KIAA2012: variants seen among roughly 807,000 people sequenced by gnomAD.
KIAA2012 encodes uncharacterized protein KIAA2012.
In KIAA2012, 125 loss-of-function variants were observed where a neutral mutation model predicts 150.6. The observed-to-expected ratio is 0.83, with a 90% CI of 0.72 to 0.96. The LOEUF (loss-of-function observed/expected upper bound fraction) is 0.96. Ranked by LOEUF, KIAA2012 falls within the 40% of genes least tolerant of loss-of-function variation. The pLI is 0.00. For missense variants in KIAA2012, 1,219 were observed against 1,354.9 expected, an observed-to-expected ratio of 0.90 and a Z score of 1.57; for synonymous variants, 462 against 504.7, an observed-to-expected ratio of 0.92 and a Z score of 1.13.
Position 202,090,945 on chromosome 2 carries a change from G to T in KIAA2012, c.529+16G>T. On this transcript the variant is annotated intron_variant, in intron 3 of 23. Coordinates refer to ENST00000498697, the MANE Select transcript of KIAA2012 (RefSeq NM_001277372.4). Reference sequence around the variant, plus strand: ...TGGTGCGCAGGTCAGTGGGGAAATGGGAGGGGGGCACACCCCAAACTGCCC... The same window carrying T: ...TGGTGCGCAGGTCAGTGGGGAAATGTGAGGGGGGCACACCCCAAACTGCCC... 1.3e-6 allele frequency: 2 copies of T among 1,531,712 alleles called. No individual in the cohort carries two copies. Among genetic ancestry groups the T allele is most frequent in the East Asian group, 5.0e-5 (2 of 40,338 alleles). 94.9% of individuals were successfully genotyped at this position (1,531,712 alleles called of 1,614,324 possible). A position where few individuals can be genotyped will look rare whatever the true frequency, so the allele number is the denominator to read the frequency against.
At chr2:202,099,846 A>T in intron 6 of KIAA2012, 50 bp downstream of exon 6, 11 of 1,465,560 alleles carry the variant, frequency 7.5e-6, no homozygotes, top group Non-Finnish European at 1.0e-5. Context: ...CCAGTCATGC[A>T]GAGTTCATTT....
intron 13 of KIAA2012, 59 bp from the exon 14 acceptor site, chr2:202,154,614 C>G: frequency 7.0e-7 from 1 of 1,429,866 alleles, no homozygotes; most frequent in East Asian, 2.5e-5. Context: ...TTTGGACTAG[C>G]TCTTGTTGCA....
intron 15 of KIAA2012, among the ~76,000 whole-genome samples, chr2:202,176,584 C>T (rs1197966644): frequency 6.6e-6 from 1 of 152,186 alleles, no homozygotes; most frequent in African/African-American, 2.4e-5. Context: ...GAGATACCTG[C>T]AATGCATGTA....
intron 11 of KIAA2012, among the ~76,000 whole-genome samples, chr2:202,121,794 T>G (rs1003251102): frequency 3.3e-5 from 5 of 152,174 alleles, no homozygotes; most frequent in African/African-American, 1.2e-4. Flanking sequence ...GAGAACAGAT[T>G]CACAAGCCAG....
chr2:202,138,294 G>T, intron 12 of KIAA2012, 138 bp from the exon 13 acceptor site: 1 of 652,320 alleles, frequency 1.5e-6, no homozygotes, highest in South Asian at 1.9e-5. Context: ...AGTAAATTAT[G>T]AATGCCATGG....
chr2:202,140,398 T>C (rs1344795270), intron 13 of KIAA2012, among the ~76,000 whole-genome samples: 1 of 152,158 alleles, frequency 6.6e-6, no homozygotes, highest in East Asian at 1.9e-4. Flanking sequence ...ACCTGCCTCC[T>C]TTGTGAAATG....
At chr2:202,167,518 T>C (rs1442246260) in intron 15 of KIAA2012, among the ~76,000 whole-genome samples, 1 of 152,196 alleles carries the variant, frequency 6.6e-6, no homozygotes, top group East Asian at 1.9e-4. Flanking sequence ...CAATTTAACC[T>C]GTTCTTTTAA....
At chr2:202,095,521 A>C (rs949049428) in intron 4 of KIAA2012, among the ~76,000 whole-genome samples, 2 of 152,230 alleles carry the variant, frequency 1.3e-5, no homozygotes, top group African/African-American at 4.8e-5. Context: ...TATCTGGATT[A>C]TCTGAATCCA....
intron 13 of KIAA2012, among the ~76,000 whole-genome samples, chr2:202,141,100 G>A (rs898241393): frequency 6.6e-6 from 1 of 152,216 alleles, no homozygotes; most frequent in Non-Finnish European, 1.5e-5. Flanking sequence ...AGGCTGGGGT[G>A]ACGGCGTTCC....
intron 13 of KIAA2012, among the ~76,000 whole-genome samples, chr2:202,143,566 T>C (rs1384248117): frequency 7.0e-6 from 1 of 141,870 alleles, no homozygotes; most frequent in Non-Finnish European, 1.5e-5. Flanking sequence ...TTTTTTTTTT[T>C]CATTGTTTTG....
Position 202,105,883 on chromosome 2 carries a change from G to T in KIAA2012, c.1447G>T (p.Ala483Ser). The T allele has an allele frequency of 1.3e-6, 2 of 1,550,862 alleles. No homozygotes were observed. Among genetic ancestry groups the T allele is most frequent in the East Asian group, 2.4e-5 (1 of 40,908 alleles). The change falls in exon 9 of 24, where the codon GCG (alanine) becomes TCG (serine). Residue 483 changes from alanine to serine, a missense_variant. Transcript: ENST00000498697. ...WELTVHLPVDASRDTLSPQDD... is the reference protein window; with the variant it reads ...WELTVHLPVDSSRDTLSPQDD... Reference sequence around the variant, plus strand: ...GTTAACAGTGCATCTCCCAGTGGACGCGAGCAGGGACACACTCTCACCTCA... The same window carrying T: ...GTTAACAGTGCATCTCCCAGTGGACTCGAGCAGGGACACACTCTCACCTCA...
At chr2:202,166,724 A>G (rs1173869712) in intron 15 of KIAA2012, among the ~76,000 whole-genome samples, 1 of 152,088 alleles carries the variant, frequency 6.6e-6, no homozygotes, top group Non-Finnish European at 1.5e-5. Context: ...GCTAATTACC[A>G]GGATTTTTTT....
chr2:202,197,156 C>T (rs1692431414), intron 22 of KIAA2012, 137 bp downstream of exon 22: 9 of 1,281,746 alleles, frequency 7.0e-6, no homozygotes, highest in Non-Finnish European at 9.6e-6. Flanking sequence ...GACTGAAAGG[C>T]ATAGAGGGAT....
rs116117049 is a variant in KIAA2012, at chr2:202,187,629, T to C, written c.2377-523T>C. ...GCCCCATTTCTAATTCCTACAAAGG[T>C]ACTGAGTGGGTAGTCATGACCCCAC... On this transcript the variant is annotated intron_variant, in intron 17 of 23. Transcript: ENST00000498697. Among the ~76,000 whole-genome samples, 1,328 of 152,234 alleles carry C rather than the reference T, an allele frequency of 8.7e-3. 9 individuals are homozygous for C. Among genetic ancestry groups the C allele is most frequent in the South Asian group, 0.014 (68 of 4,822 alleles).
At chr2:202,174,533 A>G (rs922916622) in intron 15 of KIAA2012, among the ~76,000 whole-genome samples, 2 of 152,254 alleles carry the variant, frequency 1.3e-5, no homozygotes, top group African/African-American at 2.4e-5. Flanking sequence ...ACAGAAATCA[A>G]TTGTGTAAAA....
chr2:202,190,116 A>G (rs1156704636), intron 18 of KIAA2012, 58 bp from the exon 19 acceptor site: 1 of 1,366,890 alleles, frequency 7.3e-7, no homozygotes, highest in Non-Finnish European at 9.8e-7. Context: ...AAAAGGATGT[A>G]TAGTGATCAC....
intron 2 of KIAA2012, among the ~76,000 whole-genome samples, chr2:202,085,505 A>G (rs1689542415): frequency 6.6e-6 from 1 of 152,188 alleles, no homozygotes; most frequent in African/African-American, 2.4e-5. Flanking sequence ...CCACAAGCCA[A>G]GGAATGAAGG....
In KIAA2012 at chr2:202,139,277, C is replaced by T. The variant is rs1182059758; in HGVS notation, c.1908+769C>T. On this transcript the variant is annotated intron_variant, in intron 13 of 23. Transcript: ENST00000498697. Reference sequence around the variant, plus strand: ...AGAATATCTATTAGTGGTTCAAGGACATATGTTCACAAATATTTATAAGTT... The same window carrying T: ...AGAATATCTATTAGTGGTTCAAGGATATATGTTCACAAATATTTATAAGTT... 3.3e-5 allele frequency among the ~76,000 whole-genome samples: 5 copies of T among 151,104 alleles called. 1 individual carries two copies. The East Asian group carries it at 9.7e-4, about 29-fold the overall frequency.
In KIAA2012 at chr2:202,074,980, CTT is replaced by C. The variant is rs1689291021; in HGVS notation, c.176_177del (p.Phe59SerfsTer3). 6 of 1,550,868 alleles carry C rather than the reference CTT, an allele frequency of 3.9e-6. No individual in the cohort carries two copies. Among genetic ancestry groups the C allele is most frequent in the Non-Finnish European group, 5.2e-6 (6 of 1,147,054 alleles). ...ATGCCAGTCAGCACTCCTGGAGCCT[CTT>C]TCTCCCTAAAACTTTCAGTACTAGA... Reference protein sequence around the residue: ...NNASQHSWSLFLPKTFSTRKG... With the variant: ...NNASQHSWSLXLPKTFSTRKG... On this transcript the variant is annotated frameshift_variant, in exon 2 of 24. Coordinates refer to ENST00000498697, the MANE Select transcript of KIAA2012 (RefSeq NM_001277372.4). LOFTEE classifies it high-confidence loss of function.
Sources: allele counts gnomAD v4.1 joint callset (sites outside exome capture counted in the v4.1 genomes callset), GRCh38; gene constraint gnomAD v4.1.1; transcripts MANE v1.5; gene names NCBI Gene and HGNC (gene_info 2026-07-23, HGNC 2026-07-21).